Variants in HOXC6 observed in about 807,000 individuals in gnomAD.
The protein encoded by HOXC6 is homeobox protein Hox-C6.
In HOXC6, 10 loss-of-function variants were observed where a neutral mutation model predicts 24.0. The observed-to-expected ratio is 0.42, with a 90% CI of 0.26 to 0.71. The LOEUF is 0.71. Among genes scored for constraint, HOXC6 ranks in the 30% least tolerant of loss-of-function variants. The probability of loss-of-function intolerance (pLI) is 0.28; values close to 1 mark genes in which losing one functional copy is unlikely to be tolerated. For missense variants in HOXC6, 258 were observed against 303.4 expected, an observed-to-expected ratio of 0.85 and a Z score of 1.11; for synonymous variants, 123 against 128.1, an observed-to-expected ratio of 0.96 and a Z score of 0.27.
At chr12:54,025,772 TC>T (rs996804147), upstream of HOXC6, among the ~76,000 whole-genome samples, 1 of 152,016 alleles carries the variant, frequency 6.6e-6, no homozygotes, top group African/African-American at 2.4e-5. Flanking sequence ...GTCGCCAACC[TC>T]CCTGAGCCCA....
At chr12:54,023,928 T>G (rs186824130), upstream of HOXC6, among the ~76,000 whole-genome samples, 4 of 152,316 alleles carry the variant, frequency 2.6e-5, no homozygotes, top group East Asian at 7.7e-4. Context: ...GGAGGCTCTT[T>G]GCGATCTGAT....
At chr12:54,027,640 AT>A (rs55709517), upstream of HOXC6, among the ~76,000 whole-genome samples, 58,322 of 151,324 alleles carry the variant, frequency 0.39, 11,479 homozygotes, top group East Asian at 0.64. Flanking sequence ...TTTCTATTGC[AT>A]TTTTTATACA....
chr12:54,029,049 G>A lies in HOXC6; in HGVS notation c.400+128G>A, dbSNP rs1232697853. 6 of 903,182 alleles carry A rather than the reference G, an allele frequency of 6.6e-6. No homozygotes were observed. The East Asian group carries it at 1.3e-4, about 20-fold the overall frequency. 55.9% of individuals were successfully genotyped at this position (903,182 alleles called of 1,614,324 possible). A position where few individuals can be genotyped will look rare whatever the true frequency, so the allele number is the denominator to read the frequency against. On this transcript the variant is annotated intron_variant, in intron 1 of 1. Transcript: ENST00000243108. ...AAACAATCACGCTCGTCTCCTCACC[G>A]AGACAGGGCCCCCTCTTCTGCCCCC...
chr12:54,028,663 C>A lies in HOXC6; in HGVS notation c.142C>A (p.Arg48=). ...STYGAAVAQN[R]IYSTPFYSPQ... Reference sequence around the variant, plus strand: ...CTATGGAGCGGCCGTTGCCCAGAACCGGATCTACTCGACTCCCTTTTATTC... The same window carrying A: ...CTATGGAGCGGCCGTTGCCCAGAACAGGATCTACTCGACTCCCTTTTATTC... Residue 48 remains arginine, a synonymous_variant, in exon 1 of 2, where the codon CGG becomes AGG. Coordinates refer to ENST00000243108, the MANE Select transcript of HOXC6 (RefSeq NM_004503.4). The A allele has an allele frequency of 6.2e-7, 1 of 1,614,078 alleles. No homozygotes were observed. Among genetic ancestry groups the A allele is most frequent in the Non-Finnish European group, 8.5e-7 (1 of 1,180,016 alleles).
rs532429929 is a variant in HOXC6, at chr12:54,028,780, T to C, written c.259T>C (p.Cys87Arg). 1.9e-6 allele frequency: 3 copies of C among 1,614,168 alleles called. No homozygotes were observed. Among genetic ancestry groups the C allele is most frequent in the Admixed American group, 3.3e-5 (2 of 60,028 alleles). The stretch of plus-strand genomic sequence containing the variant: ...CCAGGAGAAAGACATGCTCTCAAAC[T>C]GCAGACAAAACACCTTAGGACATAA... ...FYQEKDMLSN[C>R]RQNTLGHNTQ... Residue 87 changes from cysteine to arginine, a missense_variant, in exon 1 of 2, where the codon TGC becomes CGC. Physicochemically the swap from Cys to Arg is radical, Grantham distance 180. Transcript: ENST00000243108.
chr12:54,023,746 A>T (rs943834312), upstream of HOXC6, among the ~76,000 whole-genome samples: 42 of 152,164 alleles, frequency 2.8e-4, no homozygotes, highest in Admixed American at 1.3e-3. Context: ...TCCATGCCTA[A>T]ACTTTGAAAG....
At chr12:54,024,811 C>T (rs548268378), upstream of HOXC6, among the ~76,000 whole-genome samples, 206 of 152,310 alleles carry the variant, frequency 1.4e-3, no homozygotes, top group Non-Finnish European at 2.1e-3. Flanking sequence ...CTTGGGGACT[C>T]CAGGCCAGTG....
At chr12:54,020,501 G>C (rs1251357192) in intron 1 of HOXC6, 1 of 152,192 alleles carries the variant, frequency 6.6e-6, no homozygotes, top group Non-Finnish European at 1.5e-5. Context: ...ACCTTGTTGG[G>C]TTGGCTGTGT....
At position 54,022,518 on chromosome 12, in the gene HOXC6, T is replaced by TCC. The variant is rs1247727532; in HGVS notation, c.-193+5105_-193+5106insCC. Reference sequence around the variant, plus strand: ...ATTAATTTTCCCCTCCCAGTCTCTCTCTCTCTCTTTTTGCCAGCACAGATT... The same window carrying TCC: ...ATTAATTTTCCCCTCCCAGTCTCTCTCCCTCTCTCTTTTTGCCAGCACAGATT... On this transcript the variant is annotated intron_variant, in intron 1 of 2. Transcript: ENST00000394331. 4 of 152,314 alleles carry TCC rather than the reference T, an allele frequency of 2.6e-5. No individual in the cohort carries two copies. In the East Asian group the frequency reaches 7.7e-4, roughly 29 times the overall value. The allele number at this position is 152,314 out of a possible 1,614,324, so 9.4% of individuals were successfully genotyped here. A position where few individuals can be genotyped will look rare whatever the true frequency, so the allele number is the denominator to read the frequency against.
chr12:54,019,754 G>C (rs941727687), intron 1 of HOXC6, among the ~76,000 whole-genome samples: 37 of 152,134 alleles, frequency 2.4e-4, no homozygotes, highest in African/African-American at 8.0e-4. Context: ...CCCACAGCGA[G>C]ATTTGGAGGT....
chr12:54,030,045 C>T lies in HOXC6; in HGVS notation c.*83C>T. 7.8e-7 allele frequency: 1 copy of T among 1,283,550 alleles called. No homozygotes were observed. Among genetic ancestry groups the T allele is most frequent in the Non-Finnish European group, 1.1e-6 (1 of 947,494 alleles). 79.5% of individuals were successfully genotyped at this position (1,283,550 alleles called of 1,614,324 possible). On this transcript the variant is annotated 3_prime_UTR_variant, in exon 2 of 2. Transcript: ENST00000243108. ...CCCTAATCACACACTCTGTATTTAT[C>T]ACTGGCACAATTGATGTGTTTTGAT...
At chr12:54,018,904 C>A (rs1203603117) in intron 1 of HOXC6, among the ~76,000 whole-genome samples, 1 of 152,128 alleles carries the variant, frequency 6.6e-6, no homozygotes, top group Non-Finnish European at 1.5e-5. Context: ...GGGAGGGGAT[C>A]GCTCCACGAT....
rs777858592 is a variant in HOXC6 at position 54,029,930 on chromosome 12, G to A, written c.676G>A (p.Glu226Lys). ...DSLGGKEEKR[E>K]ETEEEKQKE is the part of the protein sequence containing the mutation. ...CCTGGGCGGAAAAGAGGAAAAGCGG[G>A]AAGAGACAGAAGAGGAGAAGCAGAA... Residue 226 changes from glutamate to lysine, a missense_variant, in exon 2 of 2, where the codon GAA becomes AAA. Physicochemically the swap from Glu to Lys is moderately conservative, Grantham distance 56. Coordinates refer to ENST00000243108, the MANE Select transcript of HOXC6 (RefSeq NM_004503.4). The A allele has an allele frequency of 2.5e-6, 4 of 1,595,976 alleles. No individual in the cohort carries two copies. The Admixed American group carries it at 5.3e-5, about 21-fold the overall frequency.
At chr12:54,026,591 G>C (rs1026017581), upstream of HOXC6, among the ~76,000 whole-genome samples, 9 of 151,928 alleles carry the variant, frequency 5.9e-5, no homozygotes, top group African/African-American at 2.2e-4. Flanking sequence ...TCCAAATACC[G>C]ACAAATTTCT....
upstream of HOXC6, among the ~76,000 whole-genome samples, chr12:54,025,374 G>A (rs1276660361): frequency 1.3e-5 from 2 of 152,100 alleles, no homozygotes; most frequent in Non-Finnish European, 2.9e-5. Context: ...CATGAAATGG[G>A]AAAAAGAAAA....
intron 1 of HOXC6, chr12:54,022,560 T>A (rs1940498410): frequency 6.6e-6 from 1 of 152,188 alleles, no homozygotes. Flanking sequence ...TTCTTTCAGA[T>A]CTGCAAACAA....
chr12:54,025,965 T>G (rs868426289), upstream of HOXC6, among the ~76,000 whole-genome samples: 72 of 152,084 alleles, frequency 4.7e-4, no homozygotes, highest in African/African-American at 1.6e-3. Context: ...TAAAAGAGAT[T>G]TTTAAATACA....
chr12:54,022,930 C>T (rs1447014377), intron 1 of HOXC6, among the ~76,000 whole-genome samples: 2 of 152,146 alleles, frequency 1.3e-5, no homozygotes, highest in Non-Finnish European at 2.9e-5. Context: ...CAGCACACCC[C>T]CTATTGCGGC....
chr12:54,017,926 C>G (rs535222680), intron 1 of HOXC6, among the ~76,000 whole-genome samples: 8 of 152,232 alleles, frequency 5.3e-5, no homozygotes, highest in African/African-American at 1.9e-4. Flanking sequence ...TCCCAGAGAG[C>G]GCGACTGCTA....
Sources: allele counts gnomAD v4.1 joint callset (sites outside exome capture counted in the v4.1 genomes callset), GRCh38; gene constraint gnomAD v4.1.1; transcripts MANE v1.5; gene names NCBI Gene and HGNC (gene_info 2026-07-23, HGNC 2026-07-21).